Variants in MBOAT2 observed in about 807,000 individuals in gnomAD.
The protein encoded by MBOAT2 is membrane bound glycerophospholipid O-acyltransferase 2.
Under a neutral mutation model 63.4 loss-of-function variants are expected in MBOAT2, and 28 were observed. The observed-to-expected ratio is 0.44, with a 90% CI of 0.33 to 0.61. The LOEUF is 0.61. MBOAT2 is among the 20% of genes least tolerant of loss of function. The probability of loss-of-function intolerance (pLI) is 0.03; values close to 1 mark genes in which losing one functional copy is unlikely to be tolerated. For missense variants in MBOAT2, 470 were observed against 605.8 expected, an observed-to-expected ratio of 0.78 and a Z score of 2.35; for synonymous variants, 211 against 215.6, an observed-to-expected ratio of 0.98 and a Z score of 0.19.
At chr2:8,998,964 G>C (rs1672499434) in intron 1 of MBOAT2, among the ~76,000 whole-genome samples, 1 of 152,104 alleles carries the variant, frequency 6.6e-6, no homozygotes, top group African/African-American at 2.4e-5. Flanking sequence ...GACTTCACCA[G>C]GTGTTGTGAG....
intron 4 of MBOAT2, among the ~76,000 whole-genome samples, chr2:8,905,235 T>C (rs746396398): frequency 2.0e-5 from 3 of 152,156 alleles, no homozygotes; most frequent in Admixed American, 6.5e-5. Flanking sequence ...CAAGTCAGGA[T>C]CTTTTCTGCT....
chr2:8,939,203 T>G (rs1433205318), intron 3 of MBOAT2, among the ~76,000 whole-genome samples: 1 of 152,190 alleles, frequency 6.6e-6, no homozygotes, highest in African/African-American at 2.4e-5. Context: ...CTGATATTGG[T>G]GCATCTCAGG....
chr2:8,864,930 G>A (rs1314238395), intron 9 of MBOAT2, among the ~76,000 whole-genome samples: 3 of 152,048 alleles, frequency 2.0e-5, no homozygotes, highest in Admixed American at 6.5e-5. Flanking sequence ...CTACTCTTAT[G>A]TCAGAATCTT....
At chr2:8,908,581 A>T in intron 4 of MBOAT2, 40 bp downstream of exon 4, 1 of 1,143,024 alleles carries the variant, frequency 8.7e-7, no homozygotes. Context: ...CCTTGTTGGA[A>T]TGGATAAAAC....
chr2:8,997,129 G>C (rs995665319), intron 1 of MBOAT2, among the ~76,000 whole-genome samples: 3 of 152,180 alleles, frequency 2.0e-5, no homozygotes, highest in Non-Finnish European at 4.4e-5. Context: ...ATCACCCATA[G>C]CACGCATAAA....
At chr2:8,934,479 T>A (rs1186210847) in intron 3 of MBOAT2, among the ~76,000 whole-genome samples, 1 of 152,232 alleles carries the variant, frequency 6.6e-6, no homozygotes, top group Non-Finnish European at 1.5e-5. Flanking sequence ...GTAAGTGCTG[T>A]TGCTAGGATG....
intron 8 of MBOAT2, among the ~76,000 whole-genome samples, chr2:8,872,202 A>C (rs769280308): frequency 6.6e-6 from 1 of 152,342 alleles, no homozygotes; most frequent in African/African-American, 2.4e-5. Context: ...CTCTTTGCTC[A>C]TGAGTGCAAA....
chr2:8,855,911 T>C lies in MBOAT2; in HGVS notation c.*2768A>G, dbSNP rs1661049766. ...AAATATGCATTGAATCTTATTCTAT[T>C]GATTAAAAAAAAGCAAGCACATAAT... On this transcript the variant is annotated 3_prime_UTR_variant, in exon 13 of 13. Transcript: ENST00000305997. 1 of 152,176 alleles carries C rather than the reference T, an allele frequency of 6.6e-6. No homozygotes were observed. Among genetic ancestry groups the C allele is most frequent in the Admixed American group, 6.5e-5 (1 of 15,272 alleles). 9.4% of individuals were successfully genotyped at this position (152,176 alleles called of 1,614,324 possible).
intron 3 of MBOAT2, among the ~76,000 whole-genome samples, chr2:8,913,868 C>A (rs1665960643): frequency 6.6e-6 from 1 of 152,202 alleles, no homozygotes; most frequent in Non-Finnish European, 1.5e-5. Context: ...AAGATACTTG[C>A]ACATGCATGT....
chr2:8,912,299 AAAAGAAAGAAAGAAAG>A (rs35633754), intron 3 of MBOAT2, among the ~76,000 whole-genome samples: 22 of 46,886 alleles, frequency 4.7e-4, no homozygotes, highest in South Asian at 1.9e-3. Context: ...GAAAAGAAAG[AAAAGAAAGAAAGAAAG>A]AAAGAAAGAA....
At chr2:8,894,037 G>A (rs1402082534) in intron 4 of MBOAT2, among the ~76,000 whole-genome samples, 1 of 152,036 alleles carries the variant, frequency 6.6e-6, no homozygotes, top group African/African-American at 2.4e-5. Flanking sequence ...GTGCCATGGT[G>A]GTATGCTGCA....
chr2:8,918,798 A>G (rs1003539765), intron 3 of MBOAT2, among the ~76,000 whole-genome samples: 1 of 152,178 alleles, frequency 6.6e-6, no homozygotes, highest in African/African-American at 2.4e-5. Context: ...CACACCATGA[A>G]ATTTACTTAT....
At chr2:8,990,583 G>C (rs1441454206) in intron 1 of MBOAT2, among the ~76,000 whole-genome samples, 2 of 152,014 alleles carry the variant, frequency 1.3e-5, no homozygotes, top group African/African-American at 4.8e-5. Flanking sequence ...GTAAAACTCT[G>C]AGTATATGCC....
chr2:8,967,403 A>G (rs1293588081), intron 1 of MBOAT2, among the ~76,000 whole-genome samples: 2 of 152,250 alleles, frequency 1.3e-5, no homozygotes, highest in Non-Finnish European at 1.5e-5. Context: ...AGAGGTTCAC[A>G]AAACTGTCCA....
intron 1 of MBOAT2, among the ~76,000 whole-genome samples, chr2:8,981,437 G>A (rs565426022): frequency 6.6e-6 from 1 of 152,268 alleles, no homozygotes; most frequent in South Asian, 2.1e-4. Flanking sequence ...CAGATATGCT[G>A]TCGCCCCCAA....
intron 9 of MBOAT2, among the ~76,000 whole-genome samples, chr2:8,864,840 A>C (rs943095740): frequency 6.6e-6 from 1 of 151,852 alleles, no homozygotes; most frequent in East Asian, 1.9e-4. Context: ...CACCCTGTCT[A>C]CTTTTATCCT....
intron 1 of MBOAT2, among the ~76,000 whole-genome samples, chr2:8,963,287 C>A (rs544340284): frequency 1.9e-3 from 289 of 151,910 alleles, no homozygotes; most frequent in African/African-American, 6.5e-3. Flanking sequence ...AAAACTAACC[C>A]GAAAGTCACA....
At position 8,958,515 on chromosome 2, in the gene MBOAT2, G is replaced by T; in HGVS notation, c.203C>A (p.Ala68Glu). ...VVATLLGLYLALFCFGWYALH... is the reference protein window; with the variant it reads ...VVATLLGLYLELFCFGWYALH... ...TACTTACCATCCAAAGCAAAAAAGTGCAAGATAAAGGCCCAAAAGGGTAGC... is the reference window on the plus strand; with the variant it reads ...TACTTACCATCCAAAGCAAAAAAGTTCAAGATAAAGGCCCAAAAGGGTAGC... The change falls in exon 2 of 13, where the codon GCA (alanine) becomes GAA (glutamate). Residue 68 changes from alanine to glutamate, a missense_variant. Coordinates refer to ENST00000305997, the MANE Select transcript of MBOAT2 (RefSeq NM_138799.4). 1 of 1,595,348 alleles carries T rather than the reference G, an allele frequency of 6.3e-7. No individual in the cohort carries two copies. The highest frequency in any genetic ancestry group is 8.5e-7 in the Non-Finnish European group (1 of 1,174,990).
At chr2:8,930,296 G>A (rs543919052) in intron 3 of MBOAT2, among the ~76,000 whole-genome samples, 1 of 152,224 alleles carries the variant, frequency 6.6e-6, no homozygotes, top group African/African-American at 2.4e-5. Context: ...TGTTCTCATT[G>A]TTCAATTCCC....
Sources: gnomAD v4.1 joint callset for allele counts (sites outside exome capture counted in the v4.1 genomes callset) on GRCh38, gnomAD v4.1.1 for gene constraint, MANE v1.5 for transcripts, NCBI Gene and HGNC (gene_info 2026-07-23, HGNC 2026-07-21) for gene names.